MXI1: variants seen among roughly 807,000 people sequenced by gnomAD.
MXI1 encodes the protein max-interacting protein 1.
A neutral mutation model predicts 36.9 loss-of-function variants in MXI1; 18 were observed. That is an observed-to-expected ratio of 0.49 (90% CI 0.34 to 0.72). The LOEUF (loss-of-function observed/expected upper bound fraction) is 0.72, where lower values mean the gene tolerates loss of function less well. Among genes scored for constraint, MXI1 ranks in the 30% least tolerant of loss-of-function variants. MXI1 has a pLI of 0.01. For missense variants in MXI1, 304 were observed against 379.1 expected (o/e 0.80, Z 1.64); for synonymous variants, 160 against 146.7 (o/e 1.09, Z -0.65).
At chr10:110,219,097 C>T (rs994014960) in intron 1 of MXI1, among the ~76,000 whole-genome samples, 1 of 152,208 alleles carries the variant, frequency 6.6e-6, no homozygotes, top group African/African-American at 2.4e-5. Context: ...GTCAGGAGTT[C>T]GAGACCAGCC....
At chr10:110,226,471 G>A (rs1430389606) in intron 1 of MXI1, 3 of 278,664 alleles carry the variant, frequency 1.1e-5, no homozygotes, top group African/African-American at 8.1e-5. Flanking sequence ...CGTGTGGGGA[G>A]GGGAGCGCGC....
At chr10:110,214,850 T>G (rs566607307) in intron 1 of MXI1, among the ~76,000 whole-genome samples, 110 of 151,070 alleles carry the variant, frequency 7.3e-4, no homozygotes, top group African/African-American at 2.6e-3. Flanking sequence ...TGAGTTTTTT[T>G]TTTTTTTTTT....
intron 2 of MXI1, among the ~76,000 whole-genome samples, chr10:110,239,035 AC>A (rs771075110): frequency 3.9e-5 from 6 of 152,128 alleles, no homozygotes; most frequent in Non-Finnish European, 8.8e-5. Flanking sequence ...TTTCAATTTT[AC>A]TGATATTCAC....
chr10:110,208,190 A>C, intron 1 of MXI1, 108 bp downstream of exon 1: 9 of 1,162,906 alleles, frequency 7.7e-6, no homozygotes, highest in African/African-American at 1.7e-5. Flanking sequence ...CCCAACATAC[A>C]CATCCAGCCC....
chr10:110,256,743 A>C (rs1001859342), intron 3 of MXI1, among the ~76,000 whole-genome samples: 1 of 152,124 alleles, frequency 6.6e-6, no homozygotes, highest in South Asian at 2.1e-4. Context: ...AGGGTTGCTC[A>C]CCAACTTTGT....
intron 3 of MXI1, among the ~76,000 whole-genome samples, chr10:110,278,857 A>G (rs192365785): frequency 3.0e-4 from 46 of 152,162 alleles, no homozygotes; most frequent in African/African-American, 1.0e-3. Context: ...TTCAAGATCA[A>G]ATACAATTGT....
intron 3 of MXI1, among the ~76,000 whole-genome samples, chr10:110,245,276 A>G (rs1003772134): frequency 2.0e-5 from 3 of 152,158 alleles, no homozygotes; most frequent in Non-Finnish European, 2.9e-5. Flanking sequence ...TTCAACAACT[A>G]TTTATCAAAC....
In MXI1 at chr10:110,279,929, GAAAGAA is replaced by G; in HGVS notation, c.573_578del (p.Arg191_Lys192del). 6.2e-7 allele frequency: 1 copy of G among 1,605,408 alleles called. No homozygotes were observed. Among genetic ancestry groups the G allele is most frequent in the Non-Finnish European group, 8.5e-7 (1 of 1,177,400 alleles). On this transcript the variant is annotated inframe_deletion, in exon 5 of 6. Coordinates refer to ENST00000332674, the MANE Select transcript of MXI1 (RefSeq NM_130439.3). ...ATCATTTCAGAAACTTGAAGAAGCTGAAAGAAAAAGCCAGCACCAGCTCGAGAATTT... is the reference window on the plus strand; with the variant it reads ...ATCATTTCAGAAACTTGAAGAAGCTGAAAGCCAGCACCAGCTCGAGAATTT...
At chr10:110,283,478 C>G (rs1464688654) in intron 5 of MXI1, among the ~76,000 whole-genome samples, 1 of 151,948 alleles carries the variant, frequency 6.6e-6, no homozygotes, top group Non-Finnish European at 1.5e-5. Flanking sequence ...ATTGGTCAGG[C>G]TGGTCTTGAA....
chr10:110,215,059 T>A (rs996278391), intron 1 of MXI1, among the ~76,000 whole-genome samples: 3 of 138,748 alleles, frequency 2.2e-5, no homozygotes, highest in Non-Finnish European at 3.1e-5. Flanking sequence ...TTTTTTTTTT[T>A]GAGATGGAGT....
At chr10:110,257,536 C>G (rs919931707) in intron 3 of MXI1, 1 of 152,604 alleles carries the variant, frequency 6.6e-6, no homozygotes, top group Non-Finnish European at 1.5e-5. Flanking sequence ...GTCTCAAACT[C>G]CTGACCTGAA....
chr10:110,284,767 T>G lies in MXI1; in HGVS notation c.725-57T>G, dbSNP rs1857384055. ...CTCTTTTCCTCATGCTGTTAGTTTT[T>G]GAAGGTGCGCTATACTCGATAATTA... On this transcript the variant is annotated intron_variant, in intron 5 of 5. Coordinates refer to ENST00000332674, the MANE Select transcript of MXI1 (RefSeq NM_130439.3). 4.0e-6 allele frequency: 6 copies of G among 1,485,076 alleles called. No homozygotes were observed. The Admixed American group carries it at 1.1e-4, about 27-fold the overall frequency. 92.0% of individuals were successfully genotyped at this position (1,485,076 alleles called of 1,614,324 possible). A position where few individuals can be genotyped will look rare whatever the true frequency, so the allele number is the denominator to read the frequency against.
intron 3 of MXI1, among the ~76,000 whole-genome samples, chr10:110,255,535 A>G (rs1856256525): frequency 6.6e-6 from 1 of 152,212 alleles, no homozygotes; most frequent in Non-Finnish European, 1.5e-5. Context: ...GGATTGGGCA[A>G]AGTAAGATGA....
At chr10:110,235,538 A>T (rs1461587142) in intron 2 of MXI1, among the ~76,000 whole-genome samples, 1 of 151,710 alleles carries the variant, frequency 6.6e-6, no homozygotes, top group Non-Finnish European at 1.5e-5. Context: ...ATACAAAAAA[A>T]TTAGCCAGGC....
At position 110,285,177 on chromosome 10, in the gene MXI1, C is replaced by G. The variant is rs1857398993; in HGVS notation, c.*190C>G. 1 of 435,894 alleles carries G rather than the reference C, an allele frequency of 2.3e-6. No individual in the cohort carries two copies. Among genetic ancestry groups the G allele is most frequent in the African/African-American group, 2.0e-5 (1 of 49,050 alleles). The allele number at this position is 435,894 out of a possible 1,614,324, so 27.0% of individuals were successfully genotyped here. On this transcript the variant is annotated 3_prime_UTR_variant, in exon 6 of 6. Transcript: ENST00000332674. ...TACTTAGCAAAAAGTGGGGCAGAGC[C>G]TCCCAAGGAGAACAAATATTCAGAA...
intron 2 of MXI1, among the ~76,000 whole-genome samples, chr10:110,236,280 C>G (rs1054490351): frequency 1.3e-5 from 2 of 151,036 alleles, no homozygotes; most frequent in Non-Finnish European, 2.9e-5. Flanking sequence ...AGCCTTATTT[C>G]TGGATTTTCT....
rs1349073153 is a variant in MXI1 at position 110,279,986 on chromosome 10, T to A, written c.625T>A (p.Trp209Arg). Reference protein sequence around the residue: ...NLEREQRFLKWRLEQLQGPQE... With the variant: ...NLEREQRFLKRRLEQLQGPQE... ...GGAACGAGAACAGAGATTTTTAAAG[T>A]GGCGACTGGAACAGCTGCAGGGTCC... Residue 209 changes from tryptophan to arginine, a missense_variant, in exon 5 of 6, where the codon TGG (tryptophan) becomes AGG (arginine). Physicochemically the swap from Trp to Arg is moderately radical, Grantham distance 101. Coordinates refer to ENST00000332674, the MANE Select transcript of MXI1 (RefSeq NM_130439.3). 6.2e-7 allele frequency: 1 copy of A among 1,613,500 alleles called. No individual in the cohort carries two copies. Among genetic ancestry groups the A allele is most frequent in the Non-Finnish European group, 8.5e-7 (1 of 1,179,588 alleles).
At chr10:110,277,600 A>G (rs1029645071) in intron 3 of MXI1, among the ~76,000 whole-genome samples, 2 of 152,230 alleles carry the variant, frequency 1.3e-5, no homozygotes, top group Non-Finnish European at 2.9e-5. Flanking sequence ...AAGTTGTTAA[A>G]TATCATTAAG....
At position 110,278,863 on chromosome 10, in the gene MXI1, A is replaced by G. The variant is rs1015037828; in HGVS notation, c.438-317A>G. Reference sequence around the variant, plus strand: ...TTTTAGTTATTCAAGATCAAATACAATTGTCCTGGTATGTTTTCACACTTC... The same window carrying G: ...TTTTAGTTATTCAAGATCAAATACAGTTGTCCTGGTATGTTTTCACACTTC... On this transcript the variant is annotated intron_variant, in intron 3 of 5. Coordinates refer to ENST00000332674, the MANE Select transcript of MXI1 (RefSeq NM_130439.3). 3.9e-5 allele frequency among the ~76,000 whole-genome samples: 6 copies of G among 152,174 alleles called. No individual in the cohort carries two copies. In the South Asian group the frequency reaches 6.2e-4, roughly 16 times the overall value.
Sources: allele counts gnomAD v4.1 joint callset (sites outside exome capture counted in the v4.1 genomes callset), GRCh38; gene constraint gnomAD v4.1.1; transcripts MANE v1.5; gene names NCBI Gene and HGNC (gene_info 2026-07-23, HGNC 2026-07-21).